Variants in RALGPS1 observed in about 807,000 individuals in gnomAD.
The protein encoded by RALGPS1 is Ral GEF with PH domain and SH3 binding motif 1, also known as ras-specific guanine nucleotide-releasing factor RalGPS1.
In RALGPS1, 19 loss-of-function variants were observed where a neutral mutation model predicts 78.8. The observed-to-expected ratio is 0.24, with a 90% CI of 0.17 to 0.35. The LOEUF (loss-of-function observed/expected upper bound fraction) is 0.35. RALGPS1 is among the 10% of genes least tolerant of loss of function. The pLI, the probability that RALGPS1 is intolerant of heterozygous loss-of-function variation, is 1.00. For missense variants in RALGPS1, 454 were observed against 688.3 expected, an observed-to-expected ratio of 0.66 and a Z score of 3.81; for synonymous variants, 228 against 256.3, an observed-to-expected ratio of 0.89 and a Z score of 1.06.
intron 1 of RALGPS1, among the ~76,000 whole-genome samples, chr9:126,941,000 C>T (rs2036726077): frequency 6.6e-6 from 1 of 152,164 alleles, no homozygotes; most frequent in Admixed American, 6.5e-5. Context: ...TACAATAATG[C>T]CATTAAGAGG....
chr9:127,151,658 T>G (rs901766723), intron 8 of RALGPS1, among the ~76,000 whole-genome samples: 3 of 152,178 alleles, frequency 2.0e-5, no homozygotes, highest in African/African-American at 7.2e-5. Context: ...TTGCAAGAGT[T>G]TTTTGTTTTC....
At chr9:127,136,162 T>C (rs917826754) in intron 8 of RALGPS1, among the ~76,000 whole-genome samples, 3 of 152,178 alleles carry the variant, frequency 2.0e-5, no homozygotes, top group African/African-American at 7.2e-5. Flanking sequence ...CCTCCACAAA[T>C]GCCCGAAGGC....
At chr9:127,031,426 G>C (rs896120356) in intron 4 of RALGPS1, among the ~76,000 whole-genome samples, 1 of 152,228 alleles carries the variant, frequency 6.6e-6, no homozygotes, top group Non-Finnish European at 1.5e-5. Flanking sequence ...TAAATCTTCT[G>C]TGCTGAATTT....
chr9:127,078,672 C>A (rs2050897830), intron 8 of RALGPS1, among the ~76,000 whole-genome samples: 1 of 152,224 alleles, frequency 6.6e-6, no homozygotes. Context: ...AAGGGAGGAT[C>A]TGCAGTCAGC....
At chr9:127,194,104 A>G (rs929263685) in intron 11 of RALGPS1, among the ~76,000 whole-genome samples, 1 of 152,248 alleles carries the variant, frequency 6.6e-6, no homozygotes, top group Admixed American at 6.5e-5. Context: ...TGGGTTGAGA[A>G]GGACATGGTA....
At chr9:127,120,176 T>C (rs1431857347) in intron 8 of RALGPS1, among the ~76,000 whole-genome samples, 1 of 152,164 alleles carries the variant, frequency 6.6e-6, no homozygotes, top group Non-Finnish European at 1.5e-5. Flanking sequence ...ATCCTCCTGA[T>C]TTTGTGAGCT....
intron 6 of RALGPS1, among the ~76,000 whole-genome samples, chr9:127,051,465 G>T (rs1214867458): frequency 1.3e-5 from 2 of 152,110 alleles, no homozygotes; most frequent in Non-Finnish European, 2.9e-5. Context: ...AATTTCCAGA[G>T]CTGTGGGTTA....
chr9:127,018,847 A>C (rs10118365), intron 4 of RALGPS1, among the ~76,000 whole-genome samples: 83,649 of 151,794 alleles, frequency 0.55, 23,700 homozygotes, highest in African/African-American at 0.67. Flanking sequence ...GTGCTATAAC[A>C]TTTCTATGAC....
chr9:127,048,111 G>A (rs1286109328), intron 5 of RALGPS1, among the ~76,000 whole-genome samples: 1 of 152,032 alleles, frequency 6.6e-6, no homozygotes. Context: ...GTGTAGCATA[G>A]TGTTTTAGCT....
At chr9:126,964,646 A>T (rs1043026513) in intron 2 of RALGPS1, among the ~76,000 whole-genome samples, 1 of 152,164 alleles carries the variant, frequency 6.6e-6, no homozygotes, top group Non-Finnish European at 1.5e-5. Flanking sequence ...ACTATGGTAT[A>T]CTGCTTCTTA....
At chr9:127,160,893 G>A (rs2058982495) in intron 8 of RALGPS1, among the ~76,000 whole-genome samples, 1 of 152,238 alleles carries the variant, frequency 6.6e-6, no homozygotes, top group African/African-American at 2.4e-5. Context: ...CAGGGTCACT[G>A]CTAAGGTGCC....
intron 8 of RALGPS1, among the ~76,000 whole-genome samples, chr9:127,152,273 G>A (rs914496331): frequency 6.6e-6 from 1 of 152,182 alleles, no homozygotes; most frequent in African/African-American, 2.4e-5. Flanking sequence ...TTACTTGGAA[G>A]TATTCTTTCG....
At chr9:127,033,000 G>A (rs575685781) in intron 4 of RALGPS1, among the ~76,000 whole-genome samples, 1 of 152,356 alleles carries the variant, frequency 6.6e-6, no homozygotes, top group Non-Finnish European at 1.5e-5. Context: ...TAAAATGGAT[G>A]TGGTGAGAAT....
intron 14 of RALGPS1, chr9:127,210,763 G>A (rs922732793): frequency 7.1e-6 from 11 of 1,550,390 alleles, no homozygotes; most frequent in Middle Eastern, 1.7e-4. Context: ...CCCAGAACCC[G>A]GAGCTGTGTC....
chr9:127,093,412 C>A (rs1166107395), intron 8 of RALGPS1, among the ~76,000 whole-genome samples: 15 of 152,162 alleles, frequency 9.9e-5, no homozygotes. Context: ...AAATGCTCCT[C>A]ACCCCTGGGC....
chr9:127,012,786 G>A lies in RALGPS1; in HGVS notation c.217-21645G>A, dbSNP rs190341553. Among the ~76,000 whole-genome samples the A allele has an allele frequency of 3.3e-5, 5 of 152,254 alleles. No homozygotes were observed. In the East Asian group the frequency reaches 9.7e-4, roughly 29 times the overall value. On this transcript the variant is annotated intron_variant, in intron 4 of 18. Coordinates refer to ENST00000259351, the MANE Select transcript of RALGPS1 (RefSeq NM_014636.3). ...TGATCTTCATGTGGGGCTGGCTTAG[G>A]CATTCCTGGGGTCTGCTTGGGATGG...
At chr9:126,999,036 AG>A (rs2043040266) in intron 4 of RALGPS1, among the ~76,000 whole-genome samples, 1 of 80,236 alleles carries the variant, frequency 1.2e-5, no homozygotes, top group African/African-American at 5.1e-5. Flanking sequence ...GGGAGGGGGG[AG>A]GGATAGCATT....
chr9:127,075,254 T>C (rs2050575327), intron 8 of RALGPS1, among the ~76,000 whole-genome samples: 1 of 152,230 alleles, frequency 6.6e-6, no homozygotes, highest in Admixed American at 6.5e-5. Context: ...TATTTTCCTC[T>C]CCCTTTAAAC....
intron 8 of RALGPS1, among the ~76,000 whole-genome samples, chr9:127,137,635 A>G (rs557251701): frequency 2.6e-5 from 4 of 152,320 alleles, no homozygotes; most frequent in Admixed American, 1.3e-4. Flanking sequence ...TTGAGTTTCT[A>G]TCACTGGAAA....
Sources: allele counts gnomAD v4.1 joint callset (sites outside exome capture counted in the v4.1 genomes callset), GRCh38; gene constraint gnomAD v4.1.1; transcripts MANE v1.5; gene names NCBI Gene and HGNC (gene_info 2026-07-23, HGNC 2026-07-21).